Variants in MYO18B observed in about 807,000 individuals in gnomAD.
The protein encoded by MYO18B is unconventional myosin-XVIIIb.
A neutral mutation model predicts 273.0 loss-of-function variants in MYO18B; 204 were observed. The observed-to-expected ratio is 0.75, with a 90% confidence interval of 0.67 to 0.84. The LOEUF is 0.84. MYO18B is among the 40% of genes least tolerant of loss of function. The probability of loss-of-function intolerance (pLI) is 0.00; values close to 1 mark genes in which losing one functional copy is unlikely to be tolerated. For synonymous variants in MYO18B, 1,330 were observed against 1,305.7 expected (o/e 1.02, Z -0.40); for missense variants, 3,212 against 3,287.6 (o/e 0.98, Z 0.56).
At chr22:26,023,574 T>A (rs1936008651) in intron 42 of MYO18B, among the ~76,000 whole-genome samples, 1 of 152,178 alleles carries the variant, frequency 6.6e-6, no homozygotes, top group South Asian at 2.1e-4. Context: ...CCTGCCCTGG[T>A]GTCCGCAGCC....
chr22:25,894,089 T>C lies in MYO18B; in HGVS notation c.4544-1067T>C, dbSNP rs534019042. Among the ~76,000 whole-genome samples the C allele has an allele frequency of 2.6e-5, 4 of 152,380 alleles. No homozygotes were observed. The East Asian group carries it at 7.7e-4, about 29-fold the overall frequency. ...TTACTATATGCTAGGCATTATAGCATATTCTAGGAACACAATGATGAACAA... is the reference window on the plus strand; with the variant it reads ...TTACTATATGCTAGGCATTATAGCACATTCTAGGAACACAATGATGAACAA... On this transcript the variant is annotated intron_variant, in intron 27 of 43. Transcript: ENST00000335473.
chr22:26,016,823 G>T (rs1388310098), intron 42 of MYO18B, among the ~76,000 whole-genome samples: 1 of 152,224 alleles, frequency 6.6e-6, no homozygotes, highest in Admixed American at 6.5e-5. Flanking sequence ...GGCTGTGGGA[G>T]CCAGGAGAGG....
chr22:25,992,472 C>T lies in MYO18B; in HGVS notation c.6266C>T (p.Ser2089Phe). The T allele has an allele frequency of 2.5e-6, 4 of 1,613,986 alleles. No homozygotes were observed. Among genetic ancestry groups the T allele is most frequent in the Non-Finnish European group, 3.4e-6 (4 of 1,179,890 alleles). ...CAGGCTGCCTTGGAAGAAGTGGCAT[C>T]CAGTGACAGTGATACTGAGAGGTAA... ...DLQAALEEVA[S>F]SDSDTESVQT... The change falls in exon 40 of 44, where the codon TCC (serine) becomes TTC (phenylalanine). Residue 2089 changes from serine (S) to phenylalanine (F), a missense_variant. Physicochemically the swap from Ser to Phe is radical, Grantham distance 155. Transcript: ENST00000335473.
intron 34 of MYO18B, among the ~76,000 whole-genome samples, chr22:25,935,130 A>T (rs2092560190): frequency 6.6e-6 from 1 of 152,202 alleles, no homozygotes; most frequent in Non-Finnish European, 1.5e-5. Context: ...ATTAACAAGA[A>T]CCAGGCCTGG....
At chr22:25,873,741 G>A (rs2091112819) in intron 22 of MYO18B, among the ~76,000 whole-genome samples, 1 of 152,144 alleles carries the variant, frequency 6.6e-6, no homozygotes, top group Non-Finnish European at 1.5e-5. Flanking sequence ...CGCCCGGCTG[G>A]AGTGAGTTGT....
chr22:25,924,119 C>T (rs138198503), intron 34 of MYO18B, among the ~76,000 whole-genome samples: 3 of 152,316 alleles, frequency 2.0e-5, no homozygotes, highest in Admixed American at 6.5e-5. Context: ...GGTCAGGGTA[C>T]AGTTGCTTTG....
intron 29 of MYO18B, chr22:25,900,165 C>T (rs778025103): frequency 5.9e-5 from 9 of 152,214 alleles, no homozygotes; most frequent in Non-Finnish European, 1.2e-4. Context: ...ATTTGCATGC[C>T]CTCCTCTCAA....
At position 25,768,135 on chromosome 22, in the gene MYO18B, C is replaced by T. The variant is rs1231246402; in HGVS notation, c.219C>T (p.Ser73=). The T allele has an allele frequency of 6.2e-7, 1 of 1,600,772 alleles. No individual in the cohort carries two copies. Among genetic ancestry groups the T allele is most frequent in the Non-Finnish European group, 8.5e-7 (1 of 1,172,434 alleles). ...CCCAGATCCCAGAAATTTCCATCAG[C>T]CAACCCAACAGCAAGTCCAGCAGTG... ...PEREIPEISI[S]QPNSKSSSGT... is the part of the protein sequence containing the mutation. Residue 73 remains serine, a synonymous_variant, in exon 4 of 44, where the codon AGC becomes AGT. Coordinates refer to ENST00000335473, the MANE Select transcript of MYO18B (RefSeq NM_032608.7).
intron 1 of MYO18B, among the ~76,000 whole-genome samples, chr22:25,753,155 C>T (rs11704164): frequency 0.32 from 47,686 of 151,184 alleles, 7,842 homozygotes; most frequent in South Asian, 0.42. Context: ...AAGCGCTGAT[C>T]AGTGCGGGAA....
intron 1 of MYO18B, among the ~76,000 whole-genome samples, chr22:25,755,633 G>A (rs2146560311): frequency 6.6e-6 from 1 of 152,300 alleles, no homozygotes; most frequent in Admixed American, 6.5e-5. Context: ...GGGTCATGGG[G>A]GCAGATGCCT....
intron 42 of MYO18B, among the ~76,000 whole-genome samples, chr22:26,008,749 T>A (rs1934643524): frequency 6.6e-6 from 1 of 152,188 alleles, no homozygotes; most frequent in Non-Finnish European, 1.5e-5. Context: ...AAGTGGTGCC[T>A]GGGCTGTCCA....
intron 36 of MYO18B, among the ~76,000 whole-genome samples, chr22:25,948,454 C>CTTT (rs1569225242): frequency 4.9e-4 from 61 of 124,172 alleles, no homozygotes; most frequent in African/African-American, 1.9e-3. Context: ...TTCCTTCCTT[C>CTTT]CTTCCTTCTT....
At chr22:25,934,857 A>C (rs2092556460) in intron 34 of MYO18B, among the ~76,000 whole-genome samples, 1 of 152,136 alleles carries the variant, frequency 6.6e-6, no homozygotes, top group Admixed American at 6.5e-5. Flanking sequence ...TTTTCTGTCT[A>C]GCTTAGTGAT....
At position 25,963,176 on chromosome 22, in the gene MYO18B, TCTCA is replaced by T. The variant is rs1284001732; in HGVS notation, c.6156+7814_6156+7817del. On this transcript the variant is annotated intron_variant, in intron 39 of 43. Transcript: ENST00000335473. ...CCTCTTTCTCCTCTCTCTCTCTCTC[TCTCA>T]CACACACACACACACACACACACAC... 2.7e-3 allele frequency among the ~76,000 whole-genome samples: 392 copies of T among 147,362 alleles called. 1 individual carries two copies. Among genetic ancestry groups the T allele is most frequent in the South Asian group, 3.1e-3 (14 of 4,582 alleles).
chr22:25,924,337 G>A (rs2092390633), intron 34 of MYO18B, among the ~76,000 whole-genome samples: 1 of 152,230 alleles, frequency 6.6e-6, no homozygotes, highest in Admixed American at 6.5e-5. Context: ...GCTGAGCATG[G>A]TGCTGAACAA....
chr22:25,865,989 G>C (rs543147650), intron 21 of MYO18B, among the ~76,000 whole-genome samples: 6 of 152,222 alleles, frequency 3.9e-5, no homozygotes, highest in African/African-American at 1.4e-4. Flanking sequence ...CGACATTTTG[G>C]AAGAGTGTCA....
At chr22:25,750,011 T>G (rs991140697) in intron 1 of MYO18B, among the ~76,000 whole-genome samples, 33 of 152,192 alleles carry the variant, frequency 2.2e-4, no homozygotes, top group African/African-American at 7.5e-4. Context: ...TGGAGCTGAG[T>G]CATTGTAACA....
intron 5 of MYO18B, among the ~76,000 whole-genome samples, 186 bp downstream of exon 5, chr22:25,770,362 T>C (rs2086673550): frequency 6.6e-6 from 1 of 152,238 alleles, no homozygotes; most frequent in Non-Finnish European, 1.5e-5. Context: ...AACTCACTAA[T>C]GCAACAAGCA....
intron 31 of MYO18B, among the ~76,000 whole-genome samples, chr22:25,907,445 C>T (rs893446669): frequency 2.0e-5 from 3 of 152,050 alleles, no homozygotes; most frequent in Admixed American, 6.5e-5. Context: ...TTTCTGTTTT[C>T]GAAATAATGG....
Sources: allele counts gnomAD v4.1 joint callset (sites outside exome capture counted in the v4.1 genomes callset), GRCh38; gene constraint gnomAD v4.1.1; transcripts MANE v1.5; gene names NCBI Gene and HGNC (gene_info 2026-07-23, HGNC 2026-07-21).